Variants in OR51B5 observed in about 807,000 individuals in gnomAD.
OR51B5 encodes olfactory receptor family 51 subfamily B member 5, also known as olfactory receptor 51B5.
For missense variants in OR51B5, 456 were observed against 374.6 expected, an observed-to-expected ratio of 1.22 and a Z score of -1.79; for synonymous variants, 186 against 144.8, an observed-to-expected ratio of 1.28 and a Z score of -2.04.
chr11:5,344,392 C>CCTCTCATTT (rs139360553), upstream of OR51B5, among the ~76,000 whole-genome samples: 1 of 151,580 alleles, frequency 6.6e-6, no homozygotes, highest in South Asian at 2.1e-4. Context: ...TAGAATCTGA[C>CCTCTCATTT]CTCTCTCATT....
chr11:5,417,519 A>G (rs1850261811), intron 1 of OR51B5, among the ~76,000 whole-genome samples: 1 of 150,436 alleles, frequency 6.6e-6, no homozygotes, highest in East Asian at 2.0e-4. Context: ...AATTTTCACA[A>G]CCTACTCATC....
chr11:5,356,239 ACTAATGG>A (rs1474886734), intron 1 of OR51B5, among the ~76,000 whole-genome samples: 2 of 152,072 alleles, frequency 1.3e-5, no homozygotes, highest in African/African-American at 4.8e-5. Context: ...AATAAATTAG[ACTAATGG>A]CTAACTAGAA....
At chr11:5,436,022 A>G (rs575031585) in intron 1 of OR51B5, among the ~76,000 whole-genome samples, 3 of 152,312 alleles carry the variant, frequency 2.0e-5, no homozygotes, top group South Asian at 2.1e-4. Flanking sequence ...ATTAATGAAT[A>G]AAAGATGAAT....
At chr11:5,358,554 T>A (rs1849230041) in intron 1 of OR51B5, among the ~76,000 whole-genome samples, 2 of 152,194 alleles carry the variant, frequency 1.3e-5, no homozygotes, top group Non-Finnish European at 2.9e-5. Context: ...AGCCAAATTC[T>A]ACCAGAGGTA....
chr11:5,419,510 A>G (rs907596343), intron 1 of OR51B5, among the ~76,000 whole-genome samples: 7 of 152,214 alleles, frequency 4.6e-5, no homozygotes, highest in Non-Finnish European at 7.3e-5. Flanking sequence ...TCCCTAAACA[A>G]TATAGAATAT....
chr11:5,379,035 C>G (rs1398964396), intron 1 of OR51B5, among the ~76,000 whole-genome samples: 2 of 150,848 alleles, frequency 1.3e-5, no homozygotes, highest in Admixed American at 6.6e-5. Flanking sequence ...CGGTACTATT[C>G]ACAATAGCAA....
At chr11:5,356,231 T>A (rs113045726) in intron 1 of OR51B5, among the ~76,000 whole-genome samples, 57,302 of 151,314 alleles carry the variant, frequency 0.38, 11,084 homozygotes, top group Non-Finnish European at 0.41. Context: ...ACCTTGAAAA[T>A]AAATTAGACT....
At chr11:5,457,835 T>A (rs1850982693) in intron 1 of OR51B5, among the ~76,000 whole-genome samples, 1 of 152,220 alleles carries the variant, frequency 6.6e-6, no homozygotes, top group Non-Finnish European at 1.5e-5. Flanking sequence ...ACATGTTGAT[T>A]TAAACTGTTT....
At chr11:5,450,023 TTTGC>T (rs1161488681) in intron 1 of OR51B5, among the ~76,000 whole-genome samples, 1 of 152,172 alleles carries the variant, frequency 6.6e-6, no homozygotes, top group East Asian at 1.9e-4. Flanking sequence ...ACAGGCATTC[TTTGC>T]TTGATTAAAA....
At chr11:5,371,279 T>G (rs562415789) in intron 1 of OR51B5, among the ~76,000 whole-genome samples, 1 of 152,276 alleles carries the variant, frequency 6.6e-6, no homozygotes, top group South Asian at 2.1e-4. Context: ...ATTAGGTTAA[T>G]TTTTTTAAAA....
chr11:5,450,165 G>C (rs1299803841), intron 1 of OR51B5, among the ~76,000 whole-genome samples: 1 of 152,078 alleles, frequency 6.6e-6, no homozygotes, highest in Non-Finnish European at 1.5e-5. Context: ...GAGGTGGTCA[G>C]ATCACCTGAG....
chr11:5,462,017 T>C (rs971047098), intron 1 of OR51B5, among the ~76,000 whole-genome samples: 2 of 152,218 alleles, frequency 1.3e-5, no homozygotes, highest in Non-Finnish European at 2.9e-5. Context: ...CAAAGAAAAT[T>C]TGTACTTCTA....
chr11:5,498,017 G>T (rs1385943478), intron 1 of OR51B5, among the ~76,000 whole-genome samples: 1 of 152,114 alleles, frequency 6.6e-6, no homozygotes, highest in Non-Finnish European at 1.5e-5. Context: ...CTTAGCATGT[G>T]GTCTTCCACT....
At chr11:5,447,549 GT>G (rs1307144525) in intron 1 of OR51B5, among the ~76,000 whole-genome samples, 1 of 152,028 alleles carries the variant, frequency 6.6e-6, no homozygotes, top group Admixed American at 6.6e-5. Context: ...AATATATTCA[GT>G]TTTTTTGTAC....
chr11:5,466,123 C>A (rs1185984673), intron 1 of OR51B5, among the ~76,000 whole-genome samples: 2 of 152,098 alleles, frequency 1.3e-5, no homozygotes, highest in South Asian at 4.2e-4. Context: ...AACAAACAAC[C>A]CCATCAAAAA....
intron 1 of OR51B5, among the ~76,000 whole-genome samples, chr11:5,447,564 T>C (rs542668007): frequency 3.0e-4 from 46 of 151,580 alleles, no homozygotes; most frequent in Non-Finnish European, 5.6e-4. Context: ...TTTGTACTTA[T>C]TATTATGTTA....
chr11:5,384,975 A>G (rs1849663947), intron 1 of OR51B5, among the ~76,000 whole-genome samples: 1 of 152,182 alleles, frequency 6.6e-6, no homozygotes, highest in South Asian at 2.1e-4. Context: ...TCTCCTATTT[A>G]CAAGAAACAG....
chr11:5,352,143 CT>C, intron 1 of OR51B5: 3 of 1,614,202 alleles, frequency 1.9e-6, no homozygotes, highest in Non-Finnish European at 2.5e-6. Context: ...TTCTCATCAT[CT>C]TTTTCTCCTA....
chr11:5,431,480 A>C (rs11037425), intron 1 of OR51B5: 5,794 of 170,058 alleles, frequency 0.034, 166 homozygotes, highest in South Asian at 0.1. Flanking sequence ...TGTTTCCCAC[A>C]ATGGCCACAA....
Sources: allele counts gnomAD v4.1 joint callset (sites outside exome capture counted in the v4.1 genomes callset), GRCh38; gene constraint gnomAD v4.1.1; transcripts MANE v1.5; gene names NCBI Gene and HGNC (gene_info 2026-07-23, HGNC 2026-07-21).